Variants in PTPRZ1 observed in about 807,000 individuals in gnomAD.
The protein encoded by PTPRZ1 is protein tyrosine phosphatase receptor type Z1.
PTPRZ1 carries 82 observed loss-of-function variants against 214.1 expected under a neutral mutation model. The observed-to-expected ratio is 0.38, with a 90% CI of 0.32 to 0.46. The LOEUF (loss-of-function observed/expected upper bound fraction) is 0.46, where lower values mean the gene tolerates loss of function less well. Among genes scored for constraint, PTPRZ1 ranks in the 20% least tolerant of loss-of-function variants. The pLI is 1.00. For synonymous variants in PTPRZ1, 945 were observed against 987.9 expected, an observed-to-expected ratio of 0.96 and a Z score of 0.81; for missense variants, 2,603 against 2,748.7, an observed-to-expected ratio of 0.95 and a Z score of 1.19.
chr7:122,009,660 G>A (rs1213992051), intron 11 of PTPRZ1, among the ~76,000 whole-genome samples: 4 of 152,030 alleles, frequency 2.6e-5, no homozygotes, highest in African/African-American at 9.6e-5. Context: ...CTGGGTCATT[G>A]CATGGAAGAT....
chr7:121,912,125 A>T (rs988203368), intron 1 of PTPRZ1, among the ~76,000 whole-genome samples: 1 of 152,208 alleles, frequency 6.6e-6, no homozygotes, highest in African/African-American at 2.4e-5. Context: ...GAAGTATTAG[A>T]TAAATTCAAG....
At chr7:122,025,782 T>G (rs915008219) in intron 13 of PTPRZ1, among the ~76,000 whole-genome samples, 2 of 152,216 alleles carry the variant, frequency 1.3e-5, no homozygotes, top group African/African-American at 4.8e-5. Context: ...GCAGTGTTTG[T>G]CTGGCATATT....
chr7:121,921,750 G>A (rs1795603147), intron 1 of PTPRZ1, among the ~76,000 whole-genome samples: 1 of 152,106 alleles, frequency 6.6e-6, no homozygotes, highest in Non-Finnish European at 1.5e-5. Flanking sequence ...AACACTGGAA[G>A]GTAGTTGAAA....
At position 122,039,461 on chromosome 7, in the gene PTPRZ1, G is replaced by A; in HGVS notation, c.5510G>A (p.Cys1837Tyr). The A allele has an allele frequency of 1.2e-6, 2 of 1,608,004 alleles. No homozygotes were observed. The highest frequency in any genetic ancestry group is 1.7e-6 in the Non-Finnish European group (2 of 1,178,590). The change falls in exon 20 of 30, where the codon TGT (cysteine) becomes TAT (tyrosine). Residue 1837 changes from cysteine (C) to tyrosine (Y), a missense_variant. Around this residue, in one of 6 missense-constraint regions of PTPRZ1, gnomAD observed 1,913 missense variants for 1,914.3 expected, o/e 1.00. Transcript: ENST00000393386. Reference sequence around the variant, plus strand: ...CTACATTTTCTTTTGCAGAGAAAATGTGATCAGTACTGGCCTGCCGATGGG... The same window carrying A: ...CTACATTTTCTTTTGCAGAGAAAATATGATCAGTACTGGCCTGCCGATGGG... ...TNLVEKGRRK[C>Y]DQYWPADGSE...
At chr7:121,923,436 T>C (rs900430115) in intron 1 of PTPRZ1, among the ~76,000 whole-genome samples, 38 of 152,328 alleles carry the variant, frequency 2.5e-4, no homozygotes, top group African/African-American at 9.1e-4. Flanking sequence ...ATCTGAAAGT[T>C]ATTTTTCTTA....
At chr7:121,936,042 A>G (rs935064776) in intron 2 of PTPRZ1, among the ~76,000 whole-genome samples, 6 of 152,248 alleles carry the variant, frequency 3.9e-5, no homozygotes. Context: ...GCAAAATGCC[A>G]TTATAATAAT....
Position 122,040,969 on chromosome 7 carries a change from G to A in PTPRZ1, c.5791G>A (p.Val1931Ile), listed in dbSNP as rs144255473. ...AKRHAVGPVVVHCSAGVGRTG... is the reference protein window; with the variant it reads ...AKRHAVGPVVIHCSAGVGRTG... ...GCGCCATGCAGTGGGGCCTGTTGTCGTCCACTGCAGGTGAGTCTCAGAGAT... is the reference window on the plus strand; with the variant it reads ...GCGCCATGCAGTGGGGCCTGTTGTCATCCACTGCAGGTGAGTCTCAGAGAT... The change falls in exon 21 of 30, where the codon GTC (valine) becomes ATC (isoleucine). Residue 1931 changes from valine (V) to isoleucine (I), a missense_variant. Physicochemically the swap from Val to Ile is conservative, Grantham distance 29. Around this residue, in one of 6 missense-constraint regions of PTPRZ1, gnomAD observed 1,913 missense variants for 1,914.3 expected, o/e 1.00. Coordinates refer to ENST00000393386, the MANE Select transcript of PTPRZ1 (RefSeq NM_002851.3). 5.2e-5 allele frequency: 81 copies of A among 1,555,408 alleles called. 1 individual carries two copies. The highest frequency in any genetic ancestry group is 3.8e-4 in the South Asian group (32 of 84,820).
intron 1 of PTPRZ1, among the ~76,000 whole-genome samples, chr7:121,899,875 A>G (rs1180298137): frequency 6.6e-6 from 1 of 152,142 alleles, no homozygotes; most frequent in East Asian, 1.9e-4. Context: ...AACTCTAGCA[A>G]TAGTATTTAT....
intron 2 of PTPRZ1, among the ~76,000 whole-genome samples, chr7:121,953,286 T>C (rs1373451669): frequency 6.6e-6 from 1 of 152,214 alleles, no homozygotes; most frequent in African/African-American, 2.4e-5. Context: ...AAGAAATACA[T>C]TTTAGGTGTC....
chr7:121,891,287 T>A (rs1794599654), intron 1 of PTPRZ1, among the ~76,000 whole-genome samples: 1 of 151,976 alleles, frequency 6.6e-6, no homozygotes, highest in African/African-American at 2.4e-5. Flanking sequence ...CCTTAGTTCT[T>A]ATCACTCATG....
chr7:121,974,151 A>C (rs1797355484), intron 4 of PTPRZ1, among the ~76,000 whole-genome samples: 1 of 152,096 alleles, frequency 6.6e-6, no homozygotes, highest in African/African-American at 2.4e-5. Context: ...TTAAAAGACT[A>C]AAAAGCTTTT....
intron 1 of PTPRZ1, among the ~76,000 whole-genome samples, chr7:121,890,398 G>A (rs999127741): frequency 6.6e-6 from 1 of 152,052 alleles, no homozygotes; most frequent in African/African-American, 2.4e-5. Flanking sequence ...TATTGCTCCT[G>A]GGTTACATTT....
chr7:121,896,842 C>T (rs1794800571), intron 1 of PTPRZ1, among the ~76,000 whole-genome samples: 2 of 151,390 alleles, frequency 1.3e-5, no homozygotes, highest in Admixed American at 6.6e-5. Context: ...AAAATAAATA[C>T]TGTATGATTC....
chr7:121,903,478 A>G (rs1291211296), intron 1 of PTPRZ1, among the ~76,000 whole-genome samples: 2 of 152,194 alleles, frequency 1.3e-5, no homozygotes, highest in Non-Finnish European at 2.9e-5. Flanking sequence ...TAGTTTATCA[A>G]ACAAATTGAA....
intron 2 of PTPRZ1, among the ~76,000 whole-genome samples, chr7:121,934,581 C>A (rs544826769): frequency 2.1e-4 from 31 of 148,268 alleles, no homozygotes; most frequent in African/African-American, 7.2e-4. Context: ...GTGTGCAGAT[C>A]AAATAGATGC....
intron 12 of PTPRZ1, among the ~76,000 whole-genome samples, 190 bp downstream of exon 12, chr7:122,014,079 A>C (rs761201463): frequency 9.8e-5 from 15 of 152,318 alleles, no homozygotes; most frequent in Admixed American, 2.0e-4. Context: ...ATTATTTAAC[A>C]CATTTTGGTT....
At chr7:121,985,274 T>A (rs1223140009) in intron 8 of PTPRZ1, among the ~76,000 whole-genome samples, 1 of 152,154 alleles carries the variant, frequency 6.6e-6, no homozygotes, top group East Asian at 1.9e-4. Flanking sequence ...GACAATCGAT[T>A]AGAAAAAAGA....
chr7:121,894,143 A>G (rs762035839), intron 1 of PTPRZ1, among the ~76,000 whole-genome samples: 1 of 152,148 alleles, frequency 6.6e-6, no homozygotes, highest in Non-Finnish European at 1.5e-5. Flanking sequence ...GTTGATTCAC[A>G]TTGTCAAACT....
chr7:122,041,289 A>T (rs1799724662), intron 21 of PTPRZ1, among the ~76,000 whole-genome samples: 1 of 152,100 alleles, frequency 6.6e-6, no homozygotes, highest in Non-Finnish European at 1.5e-5. Context: ...ACAAATATTT[A>T]CCTCAACATA....
Sources: gnomAD v4.1 joint callset for allele counts (sites outside exome capture counted in the v4.1 genomes callset) on GRCh38, gnomAD v4.1.1 for gene constraint, gnomAD v4.1.1 regional missense constraint, MANE v1.5 for transcripts, NCBI Gene and HGNC (gene_info 2026-07-23, HGNC 2026-07-21) for gene names.